ALDH18A1: variants seen among roughly 807,000 people sequenced by gnomAD.
ALDH18A1 encodes the protein aldehyde dehydrogenase 18 family member A1, also known as delta-1-pyrroline-5-carboxylate synthase.
Under a neutral mutation model 88.8 loss-of-function variants are expected in ALDH18A1, and 44 were observed. The observed-to-expected ratio is 0.50, with a 90% CI of 0.39 to 0.64. ALDH18A1 has a LOEUF of 0.64. Ranked by LOEUF, ALDH18A1 falls within the 30% of genes least tolerant of loss-of-function variation. The pLI, the probability that ALDH18A1 is intolerant of heterozygous loss-of-function variation, is 0.00. For synonymous variants in ALDH18A1, 331 were observed against 372.1 expected, an observed-to-expected ratio of 0.89 and a Z score of 1.27; for missense variants, 782 against 1,009.5, an observed-to-expected ratio of 0.77 and a Z score of 3.05.
At chr10:95,639,902 C>T (rs1194692470) in intron 3 of ALDH18A1, among the ~76,000 whole-genome samples, 1 of 149,940 alleles carries the variant, frequency 6.7e-6, no homozygotes, top group Admixed American at 6.6e-5. Context: ...ACCCTATAAA[C>T]TGCTGTTTGG....
At chr10:95,652,081 T>G (rs1160096289) in intron 2 of ALDH18A1, among the ~76,000 whole-genome samples, 1 of 152,226 alleles carries the variant, frequency 6.6e-6, no homozygotes. Context: ...GCAACTTGAA[T>G]GAATCTCCAG....
chr10:95,609,450 T>C (rs1386402526), intron 17 of ALDH18A1, among the ~76,000 whole-genome samples: 1 of 152,156 alleles, frequency 6.6e-6, no homozygotes, highest in South Asian at 2.1e-4. Flanking sequence ...ACGAAATAAG[T>C]CTGTAAAAGG....
chr10:95,617,200 T>C (rs1201094067), intron 12 of ALDH18A1, among the ~76,000 whole-genome samples: 2 of 152,194 alleles, frequency 1.3e-5, no homozygotes, highest in South Asian at 2.1e-4. Context: ...TCAGCCGAGA[T>C]TGCACCACTT....
At chr10:95,635,718 T>G (rs1297425144) in intron 5 of ALDH18A1, among the ~76,000 whole-genome samples, 2 of 152,210 alleles carry the variant, frequency 1.3e-5, no homozygotes, top group Non-Finnish European at 2.9e-5. Flanking sequence ...GGCAGGGCTC[T>G]TCTTTCACTC....
At chr10:95,631,940 T>A (rs1295905014) in intron 7 of ALDH18A1, among the ~76,000 whole-genome samples, 1 of 152,104 alleles carries the variant, frequency 6.6e-6, no homozygotes, top group East Asian at 1.9e-4. Context: ...AATAAAAACA[T>A]GTTCACACAA....
chr10:95,625,362 C>A lies in ALDH18A1; in HGVS notation c.1246G>T (p.Gly416Trp). The change falls in exon 11 of 18, where the codon GGG (glycine) becomes TGG (tryptophan). Residue 416 changes from glycine (G) to tryptophan (W), a missense_variant and splice_region_variant. By Grantham distance (184) the Gly-to-Trp change is radical (BLOSUM62 -2). Coordinates refer to ENST00000371224, the MANE Select transcript of ALDH18A1 (RefSeq NM_002860.4). ...ANKKDLEEAEGRLAAPLLKRL... is the reference protein window; with the variant it reads ...ANKKDLEEAEWRLAAPLLKRL... ...TGACTTTAAATTGCCTGGTCTTTAC[C>A]CTCTGCCTCCTCCAAGTCTTTTTTG... 4.3e-6 allele frequency: 7 copies of A among 1,613,838 alleles called. No individual in the cohort carries two copies. Among genetic ancestry groups the A allele is most frequent in the Non-Finnish European group, 5.9e-6 (7 of 1,179,804 alleles).
chr10:95,635,646 G>C (rs896285404), intron 5 of ALDH18A1, among the ~76,000 whole-genome samples: 4 of 152,140 alleles, frequency 2.6e-5, no homozygotes, highest in Admixed American at 6.6e-5. Context: ...GATGGCCTTG[G>C]GGGAAGACAC....
At chr10:95,609,769 A>ATT (rs55659918) in intron 17 of ALDH18A1, among the ~76,000 whole-genome samples, 13,540 of 113,880 alleles carry the variant, frequency 0.12, 1,538 homozygotes, top group Middle Eastern at 0.3. Context: ...GTCTGTCTCT[A>ATT]TTTTTTTTTT....
chr10:95,637,368 T>C lies in ALDH18A1; in HGVS notation c.372A>G (p.Lys124=). The change falls in exon 4 of 18, where the codon AAA becomes AAG. Residue 124 remains lysine (K), a synonymous_variant. Transcript: ENST00000371224. ...LVTSGAVAFG[K]QRLRHEILLS... ...GAAGGATCTCATGGCGCAAGCGTTG[T>C]TTGCCAAAGGCTACGGCTCCACTGG... The C allele has an allele frequency of 6.2e-7, 1 of 1,614,226 alleles. No individual in the cohort carries two copies. Among genetic ancestry groups the C allele is most frequent in the Non-Finnish European group, 8.5e-7 (1 of 1,180,038 alleles).
intron 1 of ALDH18A1, among the ~76,000 whole-genome samples, chr10:95,654,166 CTT>C (rs34306795): frequency 1.8e-4 from 25 of 138,356 alleles, no homozygotes; most frequent in East Asian, 2.1e-4. Context: ...ATTATTGTAG[CTT>C]TTTTTTTTTT....
At chr10:95,624,346 T>C (rs1323809212) in intron 11 of ALDH18A1, among the ~76,000 whole-genome samples, 1 of 152,224 alleles carries the variant, frequency 6.6e-6, no homozygotes, top group Non-Finnish European at 1.5e-5. Flanking sequence ...CTGTGGGTCT[T>C]AATTCTTTTA....
chr10:95,626,575 A>G, intron 10 of ALDH18A1, 128 bp downstream of exon 10: 5 of 869,604 alleles, frequency 5.7e-6, no homozygotes, highest in Non-Finnish European at 9.4e-6. Context: ...AATTTGAATC[A>G]GACTTGTAAC....
intron 12 of ALDH18A1, among the ~76,000 whole-genome samples, chr10:95,619,077 A>G (rs1223505517): frequency 6.6e-6 from 1 of 152,238 alleles, no homozygotes; most frequent in Non-Finnish European, 1.5e-5. Flanking sequence ...ACCTATCTCC[A>G]GTATTGAAAA....
Position 95,632,953 on chromosome 10 carries a change from T to C in ALDH18A1, c.808+6A>G. On this transcript the variant is annotated splice_donor_region_variant and intron_variant, in intron 7 of 17. Coordinates refer to ENST00000371224, the MANE Select transcript of ALDH18A1 (RefSeq NM_002860.4). ...GCAGATAAAGGAAAAAAGCATTACTTTGTACCTTCTACATCTGAAAGAACA... is the reference window on the plus strand; with the variant it reads ...GCAGATAAAGGAAAAAAGCATTACTCTGTACCTTCTACATCTGAAAGAACA... 1 of 1,613,070 alleles carries C rather than the reference T, an allele frequency of 6.2e-7. No homozygotes were observed.
intron 3 of ALDH18A1, among the ~76,000 whole-genome samples, chr10:95,639,442 T>C (rs2097887258): frequency 1.3e-5 from 2 of 152,108 alleles, no homozygotes; most frequent in Non-Finnish European, 2.9e-5. Context: ...CTATCTCTCA[T>C]GGCCAACTTC....
At chr10:95,623,133 T>C (rs1255989204) in intron 11 of ALDH18A1, among the ~76,000 whole-genome samples, 2 of 152,100 alleles carry the variant, frequency 1.3e-5, no homozygotes, top group East Asian at 1.9e-4. Flanking sequence ...ATTATACAAA[T>C]TAATTAATTT....
rs371612585 is a variant in ALDH18A1 at position 95,642,977 on chromosome 10, T to C, written c.303+15A>G. The C allele has an allele frequency of 3.1e-6, 5 of 1,612,658 alleles. No individual in the cohort carries two copies. The African/African-American group carries it at 6.7e-5, about 21-fold the overall frequency. On this transcript the variant is annotated intron_variant, in intron 3 of 17. Transcript: ENST00000371224. The stretch of plus-strand genomic sequence containing the variant: ...CCCAATTTTAGTACAGCATAATTTC[T>C]ATCTTGGCAATCACCTGCTCAACAA...
At chr10:95,619,621 A>G (rs2097849120) in intron 12 of ALDH18A1, among the ~76,000 whole-genome samples, 1 of 152,194 alleles carries the variant, frequency 6.6e-6, no homozygotes, top group Non-Finnish European at 1.5e-5. Context: ...CAGAGGCCTA[A>G]GAAATAACAC....
At chr10:95,609,824 G>A (rs969107049) in intron 17 of ALDH18A1, among the ~76,000 whole-genome samples, 9 of 137,870 alleles carry the variant, frequency 6.5e-5, no homozygotes, top group Non-Finnish European at 1.2e-4. Flanking sequence ...CTGGAGTGCT[G>A]TAGCGTAATC....
Sources: allele counts gnomAD v4.1 joint callset (sites outside exome capture counted in the v4.1 genomes callset), GRCh38; gene constraint gnomAD v4.1.1; transcripts MANE v1.5; gene names NCBI Gene and HGNC (gene_info 2026-07-23, HGNC 2026-07-21).